The following GNAL variants were observed in gnomAD, a reference collection of about 807,000 sequenced individuals.
GNAL encodes the protein G protein subunit alpha L.
A neutral mutation model predicts 55.1 loss-of-function variants in GNAL; 18 were observed. That is an observed-to-expected ratio of 0.33 (90% CI 0.23 to 0.48). The LOEUF (loss-of-function observed/expected upper bound fraction) is 0.48, where lower values mean the gene tolerates loss of function less well. Ranked by LOEUF, GNAL falls within the 20% of genes least tolerant of loss-of-function variation. The pLI is 0.99. For synonymous variants in GNAL, 253 were observed against 237.0 expected, an observed-to-expected ratio of 1.07 and a Z score of -0.62; for missense variants, 412 against 614.1, an observed-to-expected ratio of 0.67 and a Z score of 3.48.
At chr18:11,875,095 A>C (rs1047533061) in intron 10 of GNAL, among the ~76,000 whole-genome samples, 1 of 152,168 alleles carries the variant, frequency 6.6e-6, no homozygotes, top group Non-Finnish European at 1.5e-5. Context: ...GGTCGGCCAT[A>C]GTGATCTGGG....
At chr18:11,782,583 A>G (rs2033950508) in intron 4 of GNAL, among the ~76,000 whole-genome samples, 1 of 152,154 alleles carries the variant, frequency 6.6e-6, no homozygotes, top group Non-Finnish European at 1.5e-5. Context: ...TGGAAGAGAG[A>G]TGGGGTATGG....
intron 4 of GNAL, among the ~76,000 whole-genome samples, chr18:11,755,280 T>A (rs1276878287): frequency 2.0e-5 from 3 of 151,728 alleles, no homozygotes; most frequent in Non-Finnish European, 4.4e-5. Context: ...TTTCTTCGTT[T>A]GTTTGTTTGT....
At chr18:11,723,150 C>T (rs763488689) in intron 1 of GNAL, among the ~76,000 whole-genome samples, 6 of 152,146 alleles carry the variant, frequency 3.9e-5, no homozygotes, top group Non-Finnish European at 7.3e-5. Context: ...TGCCACTGCA[C>T]TCCAGCCTGG....
rs1489328015 is a variant in GNAL, at chr18:11,865,536, G to C, written c.851+930G>C. The stretch of plus-strand genomic sequence containing the variant: ...AGGCAAAGGCAGTAGGATTGCTTGA[G>C]ACCGGGTGTTCAAGACCAGCCTGGG... On this transcript the variant is annotated intron_variant, in intron 7 of 11. Transcript: ENST00000334049. Among the ~76,000 whole-genome samples, 2 of 145,790 alleles carry C rather than the reference G, an allele frequency of 1.4e-5. 1 individual carries two copies. The highest frequency in any genetic ancestry group is 5.4e-5 in the African/African-American group (2 of 36,870).
intron 1 of GNAL, among the ~76,000 whole-genome samples, chr18:11,692,447 C>G (rs1241174749): frequency 6.6e-6 from 1 of 152,168 alleles, no homozygotes; most frequent in Non-Finnish European, 1.5e-5. Context: ...CCCTCCAGTG[C>G]TCACCTCCAG....
intron 10 of GNAL, among the ~76,000 whole-genome samples, chr18:11,874,778 G>A (rs2036490606): frequency 6.7e-6 from 1 of 149,998 alleles, no homozygotes; most frequent in Non-Finnish European, 1.5e-5. Flanking sequence ...CACAGCCCAG[G>A]CAGAGACCCA....
At chr18:11,794,378 A>G (rs1054640573) in intron 4 of GNAL, among the ~76,000 whole-genome samples, 1 of 152,220 alleles carries the variant, frequency 6.6e-6, no homozygotes. Flanking sequence ...CTATCCGTGC[A>G]AGGGAATATT....
intron 5 of GNAL, among the ~76,000 whole-genome samples, chr18:11,829,295 T>G (rs954232233): frequency 2.0e-5 from 3 of 151,962 alleles, no homozygotes; most frequent in Non-Finnish European, 4.4e-5. Flanking sequence ...GTTTAGCTCG[T>G]TTCACCCATT....
chr18:11,752,126 ACCGGCG>A lies in GNAL; in HGVS notation c.377-724_377-719del. ...GCCACCTCGGCTGTCTCCAGCGGAG[ACCGGCG>A]CCCTCGCCCCCCGTCTCCGTTCATT... On this transcript the variant is annotated intron_variant, in intron 1 of 11. Coordinates refer to ENST00000334049, the MANE Select transcript of GNAL (RefSeq NM_182978.4). The surrounding 1 kb of genome is among the most constrained non-coding windows in gnomAD (Gnocchi z 4.5). The A allele has an allele frequency of 4.8e-6, 1 of 208,108 alleles. No homozygotes were observed. The highest frequency in any genetic ancestry group is 9.2e-6 in the Non-Finnish European group (1 of 109,102). 12.9% of individuals were successfully genotyped at this position (208,108 alleles called of 1,614,324 possible).
intron 5 of GNAL, among the ~76,000 whole-genome samples, chr18:11,861,257 G>T (rs2036129507): frequency 6.6e-6 from 1 of 151,992 alleles, no homozygotes; most frequent in African/African-American, 2.4e-5. Flanking sequence ...CCTCCCTCCT[G>T]CTGGCTCTCC....
At chr18:11,696,461 T>C (rs1278757951) in intron 1 of GNAL, among the ~76,000 whole-genome samples, 8 of 150,218 alleles carry the variant, frequency 5.3e-5, no homozygotes, top group South Asian at 4.2e-4. Flanking sequence ...GCCGAGATCA[T>C]GCCACTGCAC....
intron 1 of GNAL, among the ~76,000 whole-genome samples, chr18:11,730,502 G>C (rs1178220994): frequency 6.6e-6 from 1 of 151,542 alleles, no homozygotes; most frequent in African/African-American, 2.4e-5. Context: ...AGTGGCTCAC[G>C]CCTGTAATCC....
In GNAL at chr18:11,719,988, C is replaced by T. The variant is rs182963688; in HGVS notation, c.376+30049C>T. ...TTTTGGCTTATGTTCCACAGCAGGG[C>T]TCCTCAACCTTTAATGAACATTTGA... On this transcript the variant is annotated intron_variant, in intron 1 of 11. Transcript: ENST00000334049. Among the ~76,000 whole-genome samples, 641 of 152,324 alleles carry T rather than the reference C, an allele frequency of 4.2e-3. 4 individuals carry two copies. The highest frequency in any genetic ancestry group is 6.7e-3 in the Non-Finnish European group (455 of 68,032).
chr18:11,743,859 G>A (rs984442986), intron 1 of GNAL, among the ~76,000 whole-genome samples: 7 of 152,116 alleles, frequency 4.6e-5, no homozygotes, highest in African/African-American at 1.7e-4. Context: ...TGAGGTGTGT[G>A]GTTTCTCTTA....
intron 4 of GNAL, among the ~76,000 whole-genome samples, chr18:11,776,198 C>A (rs2033778548): frequency 6.6e-6 from 1 of 152,130 alleles, no homozygotes; most frequent in Admixed American, 6.5e-5. Context: ...ATTCAGTTGC[C>A]CATGCTATTC....
intron 4 of GNAL, among the ~76,000 whole-genome samples, chr18:11,811,121 A>C (rs1278804475): frequency 6.6e-6 from 1 of 151,972 alleles, no homozygotes; most frequent in Non-Finnish European, 1.5e-5. Context: ...GCCTTGCCAC[A>C]TTTCCCAAAA....
intron 9 of GNAL, among the ~76,000 whole-genome samples, chr18:11,871,497 C>T (rs577409622): frequency 6.6e-6 from 1 of 152,158 alleles, no homozygotes; most frequent in African/African-American, 2.4e-5. Context: ...GATCTGCCCA[C>T]CTCTGCCCCA....
intron 11 of GNAL, among the ~76,000 whole-genome samples, chr18:11,880,060 C>T (rs561165395): frequency 1.3e-3 from 193 of 151,022 alleles, no homozygotes; most frequent in Admixed American, 2.2e-3. Context: ...AGTTCAAGAC[C>T]AGCCTGACCA....
intron 1 of GNAL, among the ~76,000 whole-genome samples, chr18:11,700,639 G>A (rs2031544524): frequency 6.6e-6 from 1 of 152,234 alleles, no homozygotes; most frequent in South Asian, 2.1e-4. Flanking sequence ...GTTATTTAGT[G>A]AGAGGCAGGT....
Sources: gnomAD v4.1 joint callset for allele counts (sites outside exome capture counted in the v4.1 genomes callset) on GRCh38, gnomAD v4.1.1 for gene constraint, Gnocchi (gnomAD v3.1) non-coding constraint, MANE v1.5 for transcripts, NCBI Gene and HGNC (gene_info 2026-07-23, HGNC 2026-07-21) for gene names.